STX8: variants seen among roughly 807,000 people sequenced by gnomAD.
The protein encoded by STX8 is syntaxin 8, also known as syntaxin-8.
STX8 carries 23 observed loss-of-function variants against 37.5 expected under a neutral mutation model. That is an observed-to-expected ratio of 0.61 (90% CI 0.44 to 0.87). The LOEUF is 0.87. Among genes scored for constraint, STX8 ranks in the 40% least tolerant of loss-of-function variants. The pLI is 0.00. For synonymous variants in STX8, 115 were observed against 99.1 expected (o/e 1.16, Z -0.95); for missense variants, 313 against 284.7 (o/e 1.10, Z -0.71).
intron 4 of STX8, chr17:9,540,682 TCCAAA>T (rs1906244556): frequency 6.6e-6 from 1 of 152,218 alleles, no homozygotes; most frequent in Non-Finnish European, 1.5e-5. Flanking sequence ...GTCTACCTTC[TCCAAA>T]TCACTCCACA....
intron 6 of STX8, among the ~76,000 whole-genome samples, chr17:9,468,077 C>T (rs923690536): frequency 5.9e-5 from 9 of 152,050 alleles, no homozygotes; most frequent in South Asian, 2.1e-4. Context: ...TTAGAAATAG[C>T]GTAGAAACAA....
chr17:9,339,834 A>G (rs868710335), intron 7 of STX8, among the ~76,000 whole-genome samples: 39 of 152,220 alleles, frequency 2.6e-4, no homozygotes, highest in East Asian at 7.7e-4. Flanking sequence ...CGAAAGAGAC[A>G]TTATGTATCT....
intron 6 of STX8, among the ~76,000 whole-genome samples, chr17:9,387,252 T>G (rs954297227): frequency 6.6e-6 from 1 of 152,170 alleles, no homozygotes; most frequent in African/African-American, 2.4e-5. Context: ...CTCATCAGCA[T>G]TGAACACAGC....
intron 7 of STX8, among the ~76,000 whole-genome samples, chr17:9,343,227 G>C (rs142432939): frequency 8.2e-4 from 124 of 152,086 alleles, no homozygotes; most frequent in African/African-American, 2.9e-3. Context: ...AAACCACACT[G>C]TTGCCCCGGG....
At chr17:9,444,034 C>T (rs546350379) in intron 6 of STX8, among the ~76,000 whole-genome samples, 3 of 152,320 alleles carry the variant, frequency 2.0e-5, no homozygotes, top group African/African-American at 7.2e-5. Context: ...CCAGAACATA[C>T]CATAGCACTG....
chr17:9,421,861 G>A (rs1176649076), intron 6 of STX8, among the ~76,000 whole-genome samples: 4 of 152,054 alleles, frequency 2.6e-5, no homozygotes, highest in Non-Finnish European at 4.4e-5. Context: ...TCATGGGGGT[G>A]AACTTCCCCC....
intron 6 of STX8, among the ~76,000 whole-genome samples, chr17:9,485,593 T>G (rs1202165926): frequency 2.0e-5 from 2 of 102,000 alleles, no homozygotes; most frequent in African/African-American, 7.0e-5. Context: ...GTTTTTTGGT[T>G]TTTTTTTTTT....
rs1346693418 is a variant in STX8, at chr17:9,377,680, AT to A, written c.643+871del. On this transcript the variant is annotated intron_variant, in intron 7 of 7. Transcript: ENST00000306357. ...TCTCGCCATGTTGCCCAGGCTGCTA[AT>A]TTTTAAATTTTTTATAGAGACAGAG... is the stretch of plus-strand genomic sequence containing the variant. 2.6e-5 allele frequency among the ~76,000 whole-genome samples: 4 copies of A among 151,878 alleles called. No homozygotes were observed. The East Asian group carries it at 5.8e-4, about 22-fold the overall frequency.
intron 4 of STX8, among the ~76,000 whole-genome samples, chr17:9,519,461 T>C (rs887286877): frequency 7.2e-5 from 11 of 152,104 alleles, no homozygotes; most frequent in Admixed American, 5.9e-4. Flanking sequence ...GCCCTCCCCA[T>C]TGGTACTGCC....
chr17:9,299,453 T>G (rs1243940748), intron 7 of STX8, among the ~76,000 whole-genome samples: 1 of 149,146 alleles, frequency 6.7e-6, no homozygotes, highest in Non-Finnish European at 1.5e-5. Flanking sequence ...TTTTTTTTTT[T>G]TTTTTTTGAG....
intron 7 of STX8, chr17:9,273,321 A>G (rs1392897861): frequency 6.6e-6 from 1 of 152,244 alleles, no homozygotes; most frequent in Non-Finnish European, 1.5e-5. Context: ...TGGGTCCAAA[A>G]GGTCATCTTT....
intron 2 of STX8, among the ~76,000 whole-genome samples, chr17:9,563,025 C>G (rs555661991): frequency 6.6e-6 from 1 of 152,182 alleles, no homozygotes; most frequent in African/African-American, 2.4e-5. Flanking sequence ...AATGTTACAT[C>G]TACGCAATAG....
intron 7 of STX8, among the ~76,000 whole-genome samples, chr17:9,269,914 A>G (rs1353270755): frequency 6.6e-6 from 1 of 152,180 alleles, no homozygotes; most frequent in African/African-American, 2.4e-5. Context: ...CTCCTCCCCC[A>G]TGCCCAGGGT....
In STX8 at chr17:9,485,379, A is replaced by G. The variant is rs977793457; in HGVS notation, c.541+6450T>C. On this transcript the variant is annotated intron_variant, in intron 6 of 7. Transcript: ENST00000306357. ...AGAAGGCATTCATGGAGAGGAAAGCATAGGGCCTGGCTTCTATGACATATA... is the reference window on the plus strand; with the variant it reads ...AGAAGGCATTCATGGAGAGGAAAGCGTAGGGCCTGGCTTCTATGACATATA... Among the ~76,000 whole-genome samples, 3 of 152,196 alleles carry G rather than the reference A, an allele frequency of 2.0e-5. No individual in the cohort carries two copies. The South Asian group carries it at 6.2e-4, about 32-fold the overall frequency.
chr17:9,288,156 CA>C (rs1908158048), intron 7 of STX8, among the ~76,000 whole-genome samples: 1 of 43,798 alleles, frequency 2.3e-5, no homozygotes, highest in Non-Finnish European at 5.0e-5. Flanking sequence ...AAAAAAAAAC[CA>C]AAAACAAAAA....
At chr17:9,313,207 T>A (rs1165450580) in intron 7 of STX8, among the ~76,000 whole-genome samples, 1 of 151,668 alleles carries the variant, frequency 6.6e-6, no homozygotes, top group Non-Finnish European at 1.5e-5. Context: ...AAGAAATAAA[T>A]AAAAATAAGA....
Position 9,304,928 on chromosome 17 carries a change from T to A in STX8, c.644-54283A>T, listed in dbSNP as rs541363233. ...TCATATATGGGCGAAAAAAAAAATA[T>A]GTATATATATATATATATACAGTCC... On this transcript the variant is annotated intron_variant, in intron 7 of 7. Coordinates refer to ENST00000306357, the MANE Select transcript of STX8 (RefSeq NM_004853.3). 5.0e-3 allele frequency among the ~76,000 whole-genome samples: 477 copies of A among 95,064 alleles called. 2 individuals are homozygous for A. Among genetic ancestry groups the A allele is most frequent in the African/African-American group, 0.029 (460 of 15,958 alleles). 62.4% of individuals were successfully genotyped at this position (95,064 alleles called of 152,430 possible). A position where few individuals can be genotyped will look rare whatever the true frequency, so the allele number is the denominator to read the frequency against.
chr17:9,281,480 C>T (rs542429810), intron 7 of STX8, among the ~76,000 whole-genome samples: 6 of 149,946 alleles, frequency 4.0e-5, no homozygotes, highest in Admixed American at 2.7e-4. Flanking sequence ...TTTGACAGCA[C>T]GATATTTGGT....
chr17:9,321,517 C>T lies in STX8; in HGVS notation c.643+57035G>A, dbSNP rs532103060. Among the ~76,000 whole-genome samples the T allele has an allele frequency of 9.9e-5, 15 of 151,420 alleles. No homozygotes were observed. The South Asian group carries it at 2.9e-3, about 30-fold the overall frequency. ...AAAAAAAATAACACATATAAATATA[C>T]TACTTATTTATTTATTTATTGAGAT... On this transcript the variant is annotated intron_variant, in intron 7 of 7. Transcript: ENST00000306357.
Sources: allele counts gnomAD v4.1 joint callset (sites outside exome capture counted in the v4.1 genomes callset), GRCh38; gene constraint gnomAD v4.1.1; transcripts MANE v1.5; gene names NCBI Gene and HGNC (gene_info 2026-07-23, HGNC 2026-07-21).